SH3KBP1: variants seen among roughly 807,000 people sequenced by gnomAD.
SH3KBP1 encodes the protein SH3 domain containing kinase binding protein 1, also known as SH3 domain-containing kinase-binding protein 1.
Under a neutral mutation model 50.1 loss-of-function variants are expected in SH3KBP1, and 8 were observed. That is an observed-to-expected ratio of 0.16 (90% confidence interval 0.09 to 0.29). The LOEUF (loss-of-function observed/expected upper bound fraction) is 0.29. Among genes scored for constraint, SH3KBP1 ranks in the 10% least tolerant of loss-of-function variants. The pLI is 1.00. For missense variants in SH3KBP1, 377 were observed against 535.2 expected, an observed-to-expected ratio of 0.70 and a Z score of 2.92; for synonymous variants, 227 against 218.6, an observed-to-expected ratio of 1.04 and a Z score of -0.34.
At chrX:19,598,229 T>TTTTATTTATTTATTTA (rs60833421) in intron 9 of SH3KBP1, among the ~76,000 whole-genome samples, 7 of 101,906 alleles carry the variant, frequency 6.9e-5, no homozygotes, top group African/African-American at 2.6e-4. Context: ...GCAAGTCTGT[T>TTTTATTTATTTATTTA]TTTATTTATT....
chrX:19,663,721 G>A (rs1324737729), intron 6 of SH3KBP1, among the ~76,000 whole-genome samples: 1 of 111,783 alleles, frequency 8.9e-6, no homozygotes, highest in African/African-American at 3.3e-5. Flanking sequence ...ATAGGACAAC[G>A]AAGAGTTTAT....
intron 2 of SH3KBP1, among the ~76,000 whole-genome samples, chrX:19,796,362 T>C (rs1217460427): frequency 8.9e-6 from 1 of 111,923 alleles, no homozygotes. Flanking sequence ...GTCAACTCCC[T>C]GGAATTGGTG....
chrX:19,805,963 G>GAATA (rs1327029367), intron 2 of SH3KBP1, among the ~76,000 whole-genome samples: 3 of 111,310 alleles, frequency 2.7e-5, no homozygotes, highest in African/African-American at 9.8e-5. Flanking sequence ...TTCCCTCAAT[G>GAATA]AATATATCAT....
intron 3 of SH3KBP1, among the ~76,000 whole-genome samples, chrX:19,720,314 G>A: frequency 1.8e-5 from 2 of 110,824 alleles, no homozygotes; most frequent in South Asian, 7.7e-4. Context: ...CTTCCCTAAT[G>A]TGTCCCTGGC....
intron 2 of SH3KBP1, among the ~76,000 whole-genome samples, chrX:19,785,353 AC>A (rs1358808269): frequency 1.9e-5 from 2 of 103,903 alleles, no homozygotes; most frequent in Non-Finnish European, 3.9e-5. Context: ...CCCGGTCTCT[AC>A]AAAAAATACA....
chrX:19,549,505 G>A (rs949932658), intron 14 of SH3KBP1, among the ~76,000 whole-genome samples: 11 of 111,452 alleles, frequency 9.9e-5, no homozygotes, highest in Non-Finnish European at 5.6e-5. Flanking sequence ...ATCTCCTGAA[G>A]GTCTGCGTGG....
chrX:19,617,717 G>T (rs1025648190), intron 8 of SH3KBP1, among the ~76,000 whole-genome samples: 1 of 111,674 alleles, frequency 9.0e-6, no homozygotes, highest in Non-Finnish European at 1.9e-5. Flanking sequence ...TTATTTTTAT[G>T]ACATACTGCT....
At chrX:19,765,025 G>A (rs868286883) in intron 2 of SH3KBP1, among the ~76,000 whole-genome samples, 11 of 88,242 alleles carry the variant, frequency 1.2e-4, no homozygotes, top group African/African-American at 4.4e-4. Context: ...AAGTAGAGAC[G>A]GGGTTTCACC....
In SH3KBP1 at chrX:19,582,848, G is replaced by A. The variant is rs139378179; in HGVS notation, c.1298+5795C>T. On this transcript the variant is annotated intron_variant, in intron 12 of 17. Coordinates refer to ENST00000397821, the MANE Select transcript of SH3KBP1 (RefSeq NM_031892.3). ...ATGACTAATCCTTATGCCTTGGGAT[G>A]TCTGAGTTTGGGAGGATTAACAAGC... Among the ~76,000 whole-genome samples, 116 of 111,641 alleles carry A rather than the reference G, an allele frequency of 1.0e-3. 1 individual carries two copies. The highest frequency in any genetic ancestry group is 5.5e-3 in the Admixed American group (58 of 10,477).
chrX:19,794,860 T>G (rs2066663513), intron 2 of SH3KBP1, among the ~76,000 whole-genome samples: 1 of 111,583 alleles, frequency 9.0e-6, no homozygotes, highest in Non-Finnish European at 1.9e-5. Context: ...CTCCTTCCAT[T>G]CATTCAGCAA....
intron 1 of SH3KBP1, among the ~76,000 whole-genome samples, chrX:19,876,148 C>A (rs910190528): frequency 8.9e-6 from 1 of 111,779 alleles, no homozygotes; most frequent in Non-Finnish European, 1.9e-5. Flanking sequence ...CACCTGAGGT[C>A]GGGAGTTCCA....
intron 2 of SH3KBP1, among the ~76,000 whole-genome samples, chrX:19,799,283 C>T (rs184166216): frequency 5.4e-5 from 6 of 111,029 alleles, no homozygotes; most frequent in African/African-American, 2.0e-4. Context: ...GTGCCGTGTC[C>T]CCTGGAGAAA....
At chrX:19,618,916 C>T (rs748496416) in intron 8 of SH3KBP1, among the ~76,000 whole-genome samples, 8 of 106,976 alleles carry the variant, frequency 7.5e-5, no homozygotes, top group Non-Finnish European at 1.3e-4. Context: ...CAGTGAGCTG[C>T]GATCACACCA....
intron 14 of SH3KBP1, among the ~76,000 whole-genome samples, chrX:19,547,769 T>A (rs187288177): frequency 8.9e-6 from 1 of 111,995 alleles, no homozygotes; most frequent in African/African-American, 3.2e-5. Flanking sequence ...TGGGGAATCA[T>A]GACTGGTGCA....
chrX:19,845,948 C>G, intron 1 of SH3KBP1, among the ~76,000 whole-genome samples: 1 of 112,006 alleles, frequency 8.9e-6, no homozygotes, highest in South Asian at 3.7e-4. Context: ...CCAATTAATT[C>G]CCATCATTCT....
chrX:19,711,548 G>A (rs1249186589), intron 3 of SH3KBP1, among the ~76,000 whole-genome samples: 1 of 110,732 alleles, frequency 9.0e-6, no homozygotes, highest in Non-Finnish European at 1.9e-5. Flanking sequence ...AAAGTCTTTG[G>A]GTCAACTGAA....
At chrX:19,729,287 T>C (rs898147318) in intron 3 of SH3KBP1, among the ~76,000 whole-genome samples, 4 of 112,887 alleles carry the variant, frequency 3.5e-5, no homozygotes, top group Admixed American at 9.3e-5. Context: ...TAATAAATGA[T>C]CACTTTCCAT....
At position 19,746,379 on chromosome X, in the gene SH3KBP1, G is replaced by C. The variant is rs200707424; in HGVS notation, c.225C>G (p.His75Gln). 6.7e-5 allele frequency: 81 copies of C among 1,204,437 alleles called. No individual in the cohort carries two copies. The highest frequency in any genetic ancestry group is 8.3e-5 in the Non-Finnish European group (74 of 891,927). ...LTNKAPEKPLHEVPSGNSLLS... is the reference protein window; with the variant it reads ...LTNKAPEKPLQEVPSGNSLLS... The stretch of plus-strand genomic sequence containing the variant: ...GCAAAGAGTTTCCACTGGGCACTTC[G>C]TGCAGGGGCTTTTCTGGAGCTTTGT... Residue 75 changes from histidine to glutamine, a missense_variant, in exon 3 of 18, where the codon CAC (histidine) becomes CAG (glutamine). Around this residue, in one of 3 missense-constraint regions of SH3KBP1, gnomAD observed 257 missense variants for 374.2 expected, o/e 0.69. Transcript: ENST00000397821.
chrX:19,560,195 T>C (rs1239895792), intron 13 of SH3KBP1, among the ~76,000 whole-genome samples: 36 of 100,060 alleles, frequency 3.6e-4, no homozygotes, highest in Non-Finnish European at 5.7e-4. Context: ...CAGCAAATCA[T>C]TTAAAAGCAA....
Sources: allele counts gnomAD v4.1 joint callset (sites outside exome capture counted in the v4.1 genomes callset), GRCh38; gene constraint gnomAD v4.1.1; regional missense constraint gnomAD v4.1.1; transcripts MANE v1.5; gene names NCBI Gene and HGNC (gene_info 2026-07-23, HGNC 2026-07-21).